Variants in PLXND1 observed in about 807,000 individuals in gnomAD.
PLXND1 encodes plexin-D1.
Under a neutral mutation model 197.7 loss-of-function variants are expected in PLXND1, and 54 were observed. The observed-to-expected ratio is 0.27, with a 90% CI of 0.22 to 0.34. PLXND1 has a LOEUF of 0.34. Ranked by LOEUF, PLXND1 falls within the 10% of genes least tolerant of loss-of-function variation. The probability of loss-of-function intolerance (pLI) is 1.00; values close to 1 mark genes in which losing one functional copy is unlikely to be tolerated. For synonymous variants in PLXND1, 1,180 were observed against 1,161.2 expected (o/e 1.02, Z -0.33); for missense variants, 2,127 against 2,699.2 (o/e 0.79, Z 4.70).
At chr3:129,579,318 C>T (rs1481846711) in intron 8 of PLXND1, among the ~76,000 whole-genome samples, 4 of 152,074 alleles carry the variant, frequency 2.6e-5, no homozygotes, top group East Asian at 1.9e-4. Flanking sequence ...CGAGCTGGGG[C>T]GCGTGTTAAG....
Position 129,575,666 on chromosome 3 carries a change from G to A in PLXND1, c.2436+100C>T, listed in dbSNP as rs528551586. On this transcript the variant is annotated intron_variant, in intron 10 of 35. Transcript: ENST00000324093. ...ATGAAGTTGGGGCTGCTGGGGATGGGGGAACCAGAAGGTAGAGAGAGGCAG... is the reference window on the plus strand; with the variant it reads ...ATGAAGTTGGGGCTGCTGGGGATGGAGGAACCAGAAGGTAGAGAGAGGCAG... The A allele has an allele frequency of 1.3e-5, 16 of 1,233,078 alleles. 1 individual carries two copies. In the South Asian group the frequency reaches 1.9e-4, roughly 15 times the overall value. 76.4% of individuals were successfully genotyped at this position (1,233,078 alleles called of 1,614,324 possible).
chr3:129,602,681 G>A (rs1001948227), intron 1 of PLXND1, among the ~76,000 whole-genome samples: 1 of 152,154 alleles, frequency 6.6e-6, no homozygotes, highest in East Asian at 1.9e-4. Context: ...GTTTACAGCT[G>A]CAGAACAAGC....
rs2085251462 is a variant in PLXND1 at position 129,572,639 on chromosome 3, A to G, written c.3047T>C (p.Val1016Ala). The part of the protein sequence containing the change: ...LHVGSELQVL[V>A]NDTDPCTELM... ...CTCCGTGCAGGGGTCTGTGTCGTTC[A>G]CCAGGACCTGGAGCTCGGAGCCTAC... Residue 1016 changes from valine (V) to alanine (A), a missense_variant, in exon 15 of 36, where the codon GTG becomes GCG. Coordinates refer to ENST00000324093, the MANE Select transcript of PLXND1 (RefSeq NM_015103.3). 1.3e-6 allele frequency: 2 copies of G among 1,594,678 alleles called. No individual in the cohort carries two copies. Among genetic ancestry groups the G allele is most frequent in the Admixed American group, 1.7e-5 (1 of 57,858 alleles).
At chr3:129,565,257 G>T in intron 25 of PLXND1, 83 bp downstream of exon 25, 1 of 1,179,534 alleles carries the variant, frequency 8.5e-7, no homozygotes, top group South Asian at 1.3e-5. Context: ...TGCCAGGGAA[G>T]GCCTGGGAGG....
chr3:129,562,966 A>C (rs755029329), intron 26 of PLXND1, 23 bp from the exon 27 acceptor site: 35 of 1,601,912 alleles, frequency 2.2e-5, no homozygotes, highest in Non-Finnish European at 2.9e-5. Context: ...AGTGGGAGAG[A>C]AAGGTCAGTG....
At position 129,569,907 on chromosome 3, in the gene PLXND1, GC is replaced by G; in HGVS notation, c.3800del (p.Gly1267AlafsTer67). 6.2e-7 allele frequency: 1 copy of G among 1,613,392 alleles called. No individual in the cohort carries two copies. Among genetic ancestry groups the G allele is most frequent in the Non-Finnish European group, 8.5e-7 (1 of 1,179,456 alleles). ...TGGACACGATGATGGCCGTCTCGCT[GC>G]CCCCCAGCTGCAGTGTGGCGATGGT... ...NQTIATLQLG[G>X]SETAIIVSIV... On this transcript the variant is annotated frameshift_variant, in exon 20 of 36. Transcript: ENST00000324093. LOFTEE classifies it high-confidence loss of function.
chr3:129,575,525 C>G lies in PLXND1; in HGVS notation c.2474G>C (p.Ser825Thr). ...GGCTGGCCGCCCCTTTAGTTGGAGG[C>G]TGAGCGGGAACACCTGGCTCTTCCG... ...TTRKSQVFPL[S>T]LQLKGRPARF... Residue 825 changes from serine to threonine, a missense_variant, in exon 11 of 36, where the codon AGC (serine) becomes ACC (threonine). This residue lies in a region of PLXND1 where 1,095 missense variants were observed against 1,259.8 expected (regional missense o/e 0.87). Transcript: ENST00000324093. The G allele has an allele frequency of 6.4e-7, 1 of 1,557,678 alleles. No homozygotes were observed. The highest frequency in any genetic ancestry group is 8.7e-7 in the Non-Finnish European group (1 of 1,150,098).
At chr3:129,589,946 G>A (rs1578350399) in intron 1 of PLXND1, among the ~76,000 whole-genome samples, 2 of 152,106 alleles carry the variant, frequency 1.3e-5, no homozygotes, top group African/African-American at 2.4e-5. Context: ...AGCTTAACCC[G>A]CTGGCACCCA....
intron 1 of PLXND1, among the ~76,000 whole-genome samples, chr3:129,600,926 C>T (rs1398707496): frequency 6.6e-6 from 1 of 152,022 alleles, no homozygotes; most frequent in Non-Finnish European, 1.5e-5. Context: ...TATAAAAAGA[C>T]ACCTTGAAAA....
At chr3:129,561,047 A>C in intron 29 of PLXND1, 3 of 503,568 alleles carry the variant, frequency 6.0e-6, no homozygotes, top group Admixed American at 2.3e-5. Flanking sequence ...GTGACCCGGG[A>C]TGGAGGGACT....
At chr3:129,586,141 T>C (rs762734762) in intron 4 of PLXND1, 31 bp downstream of exon 4, 3 of 1,611,218 alleles carry the variant, frequency 1.9e-6, no homozygotes, top group Non-Finnish European at 2.5e-6. Context: ...ACAGCCCTCC[T>C]GGTCCAGCTG....
chr3:129,600,821 C>G (rs2085696813), intron 1 of PLXND1, among the ~76,000 whole-genome samples: 1 of 151,954 alleles, frequency 6.6e-6, no homozygotes. Flanking sequence ...CATCTCAGCC[C>G]CTAAATTGGT....
intron 1 of PLXND1, chr3:129,591,240 A>G (rs879831778): frequency 6.6e-6 from 1 of 152,282 alleles, no homozygotes; most frequent in Non-Finnish European, 1.5e-5. Context: ...GACCCAGGCA[A>G]GGCACTTCGC....
At chr3:129,569,648 A>G (rs1228329881) in intron 20 of PLXND1, 195 bp downstream of exon 20, 5 of 570,412 alleles carry the variant, frequency 8.8e-6, no homozygotes, top group African/African-American at 3.7e-5. Flanking sequence ...GCCACCTAAC[A>G]TCTTCTACCC....
intron 8 of PLXND1, among the ~76,000 whole-genome samples, chr3:129,581,362 C>T (rs1232145981): frequency 6.6e-6 from 1 of 152,212 alleles, no homozygotes; most frequent in African/African-American, 2.4e-5. Context: ...GAACTGCAGA[C>T]CTGGGGGACA....
At chr3:129,570,976 C>T (rs200188842) in intron 18 of PLXND1, 41 bp from the exon 19 acceptor site, 28 of 1,613,840 alleles carry the variant, frequency 1.7e-5, no homozygotes, top group East Asian at 1.6e-4. Context: ...GGGAAGTGCT[C>T]CCGAGGCCCA....
In PLXND1 at chr3:129,571,114, G is replaced by T; in HGVS notation, c.3526C>A (p.Pro1176Thr). 6.2e-7 allele frequency: 1 copy of T among 1,614,224 alleles called. No homozygotes were observed. The highest frequency in any genetic ancestry group is 8.5e-7 in the Non-Finnish European group (1 of 1,180,030). Residue 1176 changes from proline to threonine, a missense_variant, in exon 18 of 36, where the codon CCA (proline) becomes ACA (threonine). By Grantham distance (38) the Pro-to-Thr change is conservative. Around this residue, in one of 6 missense-constraint regions of PLXND1, gnomAD observed 532 missense variants for 811.0 expected, o/e 0.66. Transcript: ENST00000324093. ...TCCCTCTTGGCCGTAGAGAACTGTG[G>T]GTTGGGGAGGTAGTCCAGGCGGAAC... is the stretch of plus-strand genomic sequence containing the variant. ...SRFRLDYLPNPQFSTAKREKW... is the reference protein window; with the variant it reads ...SRFRLDYLPNTQFSTAKREKW...
At chr3:129,593,556 T>C (rs545831450) in intron 1 of PLXND1, among the ~76,000 whole-genome samples, 1 of 152,246 alleles carries the variant, frequency 6.6e-6, no homozygotes, top group Non-Finnish European at 1.5e-5. Flanking sequence ...TGGCAGCACA[T>C]GCATGACGTT....
At chr3:129,560,201 G>A (rs1225273101) in intron 31 of PLXND1, 129 bp downstream of exon 31, 1 of 643,806 alleles carries the variant, frequency 1.6e-6, no homozygotes, top group Non-Finnish European at 2.8e-6. Flanking sequence ...AGCCCCACAG[G>A]GGAAACAGGA....
Sources: gnomAD v4.1 joint callset for allele counts (sites outside exome capture counted in the v4.1 genomes callset) on GRCh38, gnomAD v4.1.1 for gene constraint, gnomAD v4.1.1 regional missense constraint, MANE v1.5 for transcripts, NCBI Gene and HGNC (gene_info 2026-07-23, HGNC 2026-07-21) for gene names.